The following TGS1 variants were observed in gnomAD, a reference collection of about 807,000 sequenced individuals.
TGS1 encodes the protein trimethylguanosine synthase 1, also known as trimethylguanosine synthase.
A neutral mutation model predicts 92.2 loss-of-function variants in TGS1; 69 were observed. That is an observed-to-expected ratio of 0.75 (90% CI 0.62 to 0.91). TGS1 has a LOEUF of 0.91. Among genes scored for constraint, TGS1 ranks in the 40% least tolerant of loss-of-function variants. The pLI, the probability that TGS1 is intolerant of heterozygous loss-of-function variation, is 0.00. For missense variants in TGS1, 1,062 were observed against 1,001.2 expected, an observed-to-expected ratio of 1.06 and a Z score of -0.82; for synonymous variants, 345 against 338.1, an observed-to-expected ratio of 1.02 and a Z score of -0.22.
chr8:55,793,155 C>T (rs896930195), intron 6 of TGS1, among the ~76,000 whole-genome samples: 4 of 152,150 alleles, frequency 2.6e-5, no homozygotes, highest in African/African-American at 7.2e-5. Context: ...TGCCATGAAA[C>T]GTTGAAATCT....
chr8:55,801,449 T>TG (rs1334172558), intron 8 of TGS1, among the ~76,000 whole-genome samples: 1 of 150,480 alleles, frequency 6.6e-6, no homozygotes, highest in East Asian at 2.0e-4. Flanking sequence ...TTTTGTATTT[T>TG]TTTTTAGTAG....
intron 12 of TGS1, among the ~76,000 whole-genome samples, chr8:55,822,270 C>T (rs1414337952): frequency 6.6e-6 from 1 of 151,996 alleles, no homozygotes; most frequent in Non-Finnish European, 1.5e-5. Flanking sequence ...CGGGGTTTTA[C>T]CTTGTTTGCC....
chr8:55,776,342 G>A (rs542104704), intron 1 of TGS1, among the ~76,000 whole-genome samples: 6 of 149,014 alleles, frequency 4.0e-5, no homozygotes, highest in South Asian at 2.1e-4. Flanking sequence ...GTGCAGTGGC[G>A]AGATCTCTGC....
chr8:55,786,381 A>C lies in TGS1; in HGVS notation c.483A>C (p.Glu161Asp). The change falls in exon 4 of 13, where the codon GAA becomes GAC. Residue 161 changes from glutamate to aspartate, a missense_variant. By Grantham distance (45) the Glu-to-Asp change is conservative. Coordinates refer to ENST00000260129, the MANE Select transcript of TGS1 (RefSeq NM_024831.8). ...CTTCAGATGATCCATCTTCAATTGA[A>C]CAGTATGAGAACACCAGAACATATG... ...ILASDDPSSI[E>D]QYENTRTYEL... The C allele has an allele frequency of 6.2e-7, 1 of 1,613,710 alleles. No homozygotes were observed. The highest frequency in any genetic ancestry group is 8.5e-7 in the Non-Finnish European group (1 of 1,179,938).
chr8:55,795,038 A>G (rs2130164665), intron 6 of TGS1, among the ~76,000 whole-genome samples: 1 of 152,338 alleles, frequency 6.6e-6, no homozygotes, highest in African/African-American at 2.4e-5. Context: ...TTTCAAGGCA[A>G]TTATAGTTAA....
At chr8:55,793,830 C>T (rs370018017) in intron 6 of TGS1, among the ~76,000 whole-genome samples, 2 of 151,744 alleles carry the variant, frequency 1.3e-5, no homozygotes, top group African/African-American at 4.8e-5. Context: ...ATTGGCCAGG[C>T]TGGTCTCAAA....
At chr8:55,813,464 TAGAG>T (rs1003844564) in intron 12 of TGS1, among the ~76,000 whole-genome samples, 8 of 152,336 alleles carry the variant, frequency 5.3e-5, no homozygotes, top group South Asian at 2.1e-4. Context: ...TCAAAAAAAA[TAGAG>T]AGATTTGATG....
intron 11 of TGS1, among the ~76,000 whole-genome samples, chr8:55,811,756 A>G (rs960280384): frequency 2.0e-5 from 3 of 152,104 alleles, no homozygotes; most frequent in Non-Finnish European, 2.9e-5. Context: ...GCGAGACTCC[A>G]TTTCAAAAAA....
At position 55,773,475 on chromosome 8, in the gene TGS1, C is replaced by CTGG; in HGVS notation, c.-144_-143insTGG. 2 of 581,442 alleles carry CTGG rather than the reference C, an allele frequency of 3.4e-6. No homozygotes were observed. Among genetic ancestry groups the CTGG allele is most frequent in the African/African-American group, 3.9e-5 (2 of 51,190 alleles). The allele number at this position is 581,442 out of a possible 1,614,324, so 36.0% of individuals were successfully genotyped here. ...CCGGCGGCAGCGTCCGGGCTAGTTCCCGGCGCGAGCGGCCGCGGGCCAGTT... is the reference window on the plus strand; with the variant it reads ...CCGGCGGCAGCGTCCGGGCTAGTTCCTGGCGGCGCGAGCGGCCGCGGGCCAGTT... On this transcript the variant is annotated 5_prime_UTR_variant, in exon 1 of 13. Coordinates refer to ENST00000260129, the MANE Select transcript of TGS1 (RefSeq NM_024831.8).
intron 10 of TGS1, among the ~76,000 whole-genome samples, chr8:55,809,229 G>C (rs1803274703): frequency 6.6e-6 from 1 of 152,164 alleles, no homozygotes; most frequent in African/African-American, 2.4e-5. Flanking sequence ...CATAACTAAA[G>C]GGTTAGGGAA....
chr8:55,814,234 C>T (rs1803411777), intron 12 of TGS1, among the ~76,000 whole-genome samples: 1 of 152,074 alleles, frequency 6.6e-6, no homozygotes, highest in South Asian at 2.1e-4. Flanking sequence ...AGGTGTGAGC[C>T]ACCACGCGCA....
chr8:55,798,251 G>C (rs970693128), intron 7 of TGS1, among the ~76,000 whole-genome samples: 1 of 152,194 alleles, frequency 6.6e-6, no homozygotes, highest in Non-Finnish European at 1.5e-5. Flanking sequence ...CTCTCAGGAA[G>C]GTCATGAAGA....
Position 55,800,515 on chromosome 8 carries a change from C to T in TGS1, c.1849+1295C>T, listed in dbSNP as rs141267586. On this transcript the variant is annotated intron_variant, in intron 8 of 12. Transcript: ENST00000260129. ...TCCCACTTCCATAAACACCAATTCT[C>T]ATGATGCTGGTTATTTTTACCTGGG... is the stretch of plus-strand genomic sequence containing the variant. Among the ~76,000 whole-genome samples the T allele has an allele frequency of 1.1e-3, 166 of 152,310 alleles. 1 individual carries two copies. The highest frequency in any genetic ancestry group is 2.5e-3 in the South Asian group (12 of 4,826).
At chr8:55,795,876 T>G (rs925225907) in intron 6 of TGS1, 102 bp from the exon 7 acceptor site, 1 of 845,066 alleles carries the variant, frequency 1.2e-6, no homozygotes, top group Non-Finnish European at 1.9e-6. Context: ...GGAATTAAAA[T>G]GGTGTAAAAA....
intron 1 of TGS1, among the ~76,000 whole-genome samples, 184 bp from the exon 2 acceptor site, chr8:55,782,564 C>T (rs1054989789): frequency 2.0e-5 from 3 of 152,214 alleles, no homozygotes; most frequent in African/African-American, 7.2e-5. Flanking sequence ...ACTATCAGTC[C>T]TTACAACAAC....
chr8:55,818,796 CCACACATAG>C (rs1803552989), intron 12 of TGS1, among the ~76,000 whole-genome samples: 1 of 152,218 alleles, frequency 6.6e-6, no homozygotes, highest in African/African-American at 2.4e-5. Flanking sequence ...CTCTTCTGGG[CCACACATAG>C]TGCTACCTGC....
At chr8:55,782,947 C>T (rs1387824757) in intron 2 of TGS1, 135 bp downstream of exon 2, 4 of 611,360 alleles carry the variant, frequency 6.5e-6, no homozygotes, top group African/African-American at 1.9e-5. Flanking sequence ...TGTAATCAGA[C>T]AATTTTTATT....
chr8:55,780,772 A>G (rs138928557), intron 1 of TGS1, among the ~76,000 whole-genome samples: 177 of 152,074 alleles, frequency 1.2e-3, no homozygotes, highest in African/African-American at 4.1e-3. Context: ...CTCCCCATGT[A>G]TTTATTCATT....
rs527989434 is a variant in TGS1 at position 55,776,359 on chromosome 8, C to T, written c.101+2640C>T. Among the ~76,000 whole-genome samples, 10 of 149,932 alleles carry T rather than the reference C, an allele frequency of 6.7e-5. No individual in the cohort carries two copies. The South Asian group carries it at 2.1e-3, about 32-fold the overall frequency. The stretch of plus-strand genomic sequence containing the variant: ...GCAGTGGCGAGATCTCTGCTCACTG[C>T]AAGCTCCACCCCCTGGGTTCACGCC... On this transcript the variant is annotated intron_variant, in intron 1 of 12. Transcript: ENST00000260129.
Sources: allele counts gnomAD v4.1 joint callset (sites outside exome capture counted in the v4.1 genomes callset), GRCh38; gene constraint gnomAD v4.1.1; transcripts MANE v1.5; gene names NCBI Gene and HGNC (gene_info 2026-07-23, HGNC 2026-07-21).